Variants in HDAC4 observed in about 807,000 individuals in gnomAD.
The protein encoded by HDAC4 is histone deacetylase 4, also known as histone deacetylase A.
In HDAC4, 16 loss-of-function variants were observed where a neutral mutation model predicts 135.1. That is an observed-to-expected ratio of 0.12 (90% confidence interval 0.08 to 0.18). The LOEUF is 0.18. Among genes scored for constraint, HDAC4 ranks in the 10% least tolerant of loss-of-function variants. The pLI is 1.00. For missense variants in HDAC4, 1,143 were observed against 1,511.8 expected, an observed-to-expected ratio of 0.76 and a Z score of 4.05; for synonymous variants, 685 against 653.4, an observed-to-expected ratio of 1.05 and a Z score of -0.74.
At chr2:239,318,802 G>T (rs2053205767) in intron 2 of HDAC4, among the ~76,000 whole-genome samples, 1 of 152,092 alleles carries the variant, frequency 6.6e-6, no homozygotes, top group Non-Finnish European at 1.5e-5. Flanking sequence ...AAAAGTTAAG[G>T]AATAAAATTC....
At chr2:239,103,507 C>G (rs899835941) in intron 15 of HDAC4, among the ~76,000 whole-genome samples, 3 of 152,236 alleles carry the variant, frequency 2.0e-5, no homozygotes, top group Non-Finnish European at 4.4e-5. Context: ...ATTTATTTAG[C>G]CTTTTAAAGG....
rs757037771 is a variant in HDAC4, at chr2:239,309,932, G to T, written c.22+42746C>A. 6.6e-6 allele frequency among the ~76,000 whole-genome samples: 1 copy of T among 152,190 alleles called. No individual in the cohort carries two copies. The highest frequency in any genetic ancestry group is 2.4e-5 in the African/African-American group (1 of 41,450). On this transcript the variant is annotated intron_variant, in intron 2 of 26. Coordinates refer to ENST00000543185, the MANE Select transcript of HDAC4 (RefSeq NM_001378414.1). The surrounding 1 kb of genome is among the most constrained non-coding windows in gnomAD (Gnocchi z 4.2). Reference sequence around the variant, plus strand: ...CTGGTCCCATGGGGCATGAAGGGAGGGTGGCCAGGGTGGCCCGAGCCAGCA... The same window carrying T: ...CTGGTCCCATGGGGCATGAAGGGAGTGTGGCCAGGGTGGCCCGAGCCAGCA...
chr2:239,100,568 C>T (rs1043911140), intron 16 of HDAC4, among the ~76,000 whole-genome samples: 10 of 152,170 alleles, frequency 6.6e-5, no homozygotes, highest in South Asian at 2.1e-4. Context: ...CCTGTCCAGC[C>T]GTTCCTCGGG....
intron 1 of HDAC4, among the ~76,000 whole-genome samples, chr2:239,388,562 C>A (rs1178664985): frequency 6.6e-6 from 1 of 152,238 alleles, no homozygotes; most frequent in African/African-American, 2.4e-5. Context: ...TGCCTGGCCC[C>A]AGAGGGCAGC....
At chr2:239,281,009 T>TGCAAA (rs202231965) in intron 2 of HDAC4, among the ~76,000 whole-genome samples, 1 of 124,908 alleles carries the variant, frequency 8.0e-6, no homozygotes. Flanking sequence ...CACACCACTC[T>TGCAAA]CAATGTACAC....
rs145777162 is a variant in HDAC4, at chr2:239,103,626, T to A, written c.2113-730A>T. 3.5e-3 allele frequency among the ~76,000 whole-genome samples: 528 copies of A among 152,336 alleles called. 3 individuals are homozygous for A. Among genetic ancestry groups the A allele is most frequent in the Non-Finnish European group, 6.2e-3 (423 of 68,018 alleles). ...CAGACGCCACTCAGGTGGCCCCGGT[T>A]GTGGCTGTTACCTGCTTCCCCCAGG... On this transcript the variant is annotated intron_variant, in intron 15 of 26. Coordinates refer to ENST00000543185, the MANE Select transcript of HDAC4 (RefSeq NM_001378414.1).
At chr2:239,254,175 A>G (rs1379418538) in intron 2 of HDAC4, among the ~76,000 whole-genome samples, 2 of 152,216 alleles carry the variant, frequency 1.3e-5, no homozygotes, top group Non-Finnish European at 2.9e-5. Context: ...CCAGGAAGAC[A>G]AAGAAAAATA....
At chr2:239,294,899 G>C (rs368155508) in intron 2 of HDAC4, among the ~76,000 whole-genome samples, 2 of 152,210 alleles carry the variant, frequency 1.3e-5, no homozygotes, top group East Asian at 1.9e-4. Flanking sequence ...TCTGACTAAG[G>C]GGGTGGGTGT....
intron 2 of HDAC4, among the ~76,000 whole-genome samples, chr2:239,311,898 A>G (rs1022957811): frequency 3.3e-5 from 5 of 152,136 alleles, no homozygotes; most frequent in Non-Finnish European, 7.4e-5. Context: ...AGCTCTGAGC[A>G]ATCTCCTGTG....
At chr2:239,210,545 C>T (rs540214713) in intron 3 of HDAC4, among the ~76,000 whole-genome samples, 14 of 152,232 alleles carry the variant, frequency 9.2e-5, no homozygotes, top group South Asian at 8.3e-4. Context: ...CATTTATTAC[C>T]CGGCCTGTGA....
chr2:239,057,526 A>T (rs772232344), intron 24 of HDAC4, among the ~76,000 whole-genome samples: 42 of 152,338 alleles, frequency 2.8e-4, no homozygotes, highest in Non-Finnish European at 5.1e-4. Flanking sequence ...AGAAAACAGA[A>T]TCTTCAAAGA....
chr2:239,119,654 CT>C (rs1293926083), intron 12 of HDAC4, among the ~76,000 whole-genome samples: 3 of 151,962 alleles, frequency 2.0e-5, no homozygotes, highest in Non-Finnish European at 2.9e-5. Flanking sequence ...GGGACCAGAC[CT>C]AAGGGCTGAG....
rs1377205627 is a variant in HDAC4 at position 239,245,670 on chromosome 2, T to C, written c.23-9006A>G. On this transcript the variant is annotated intron_variant, in intron 2 of 26. Transcript: ENST00000543185. The surrounding 1 kb of genome is among the most constrained non-coding windows in gnomAD (Gnocchi z 4.4). ...GGGATTTCCTGGCGGGAGGTGGCTG[T>C]GGGCACTCGCTCTATGCACTGGTCT... is the stretch of plus-strand genomic sequence containing the variant. Among the ~76,000 whole-genome samples the C allele has an allele frequency of 1.3e-5, 2 of 152,302 alleles. No homozygotes were observed. Among genetic ancestry groups the C allele is most frequent in the South Asian group, 4.1e-4 (2 of 4,826 alleles).
In HDAC4 at chr2:239,303,028, T is replaced by A. The variant is rs1238285320; in HGVS notation, c.22+49650A>T. Among the ~76,000 whole-genome samples, 1 of 152,122 alleles carries A rather than the reference T, an allele frequency of 6.6e-6. No individual in the cohort carries two copies. Among genetic ancestry groups the A allele is most frequent in the Non-Finnish European group, 1.5e-5 (1 of 68,010 alleles). On this transcript the variant is annotated intron_variant, in intron 2 of 26. Coordinates refer to ENST00000543185, the MANE Select transcript of HDAC4 (RefSeq NM_001378414.1). This position sits in a 1 kb window ranked among gnomAD's most constrained non-coding sequence, Gnocchi z 5.1. ...TGGGCTGGGCGTCACCCCTGCCACC[T>A]CGGGAGTCCTCAAACCCCCCCCGGG...
intron 2 of HDAC4, among the ~76,000 whole-genome samples, chr2:239,344,356 T>C (rs933976032): frequency 6.6e-6 from 1 of 152,198 alleles, no homozygotes; most frequent in Non-Finnish European, 1.5e-5. Flanking sequence ...GAAATTTGCA[T>C]TTCTACAATA....
At position 239,298,092 on chromosome 2, in the gene HDAC4, A is replaced by G. The variant is rs1419783942; in HGVS notation, c.22+54586T>C. On this transcript the variant is annotated intron_variant, in intron 2 of 26. Transcript: ENST00000543185. ...GTCATGGGTCTTTAGGGTTGCTAAA[A>G]TATTTCACAGGATAAAAAAAATTAA... 6.6e-6 allele frequency: 5 copies of G among 761,398 alleles called. No individual in the cohort carries two copies. In the African/African-American group the frequency reaches 7.2e-5, roughly 11 times the overall value. 47.2% of individuals were successfully genotyped at this position (761,398 alleles called of 1,614,324 possible). A position where few individuals can be genotyped will look rare whatever the true frequency, so the allele number is the denominator to read the frequency against.
intron 3 of HDAC4, among the ~76,000 whole-genome samples, chr2:239,218,945 C>T (rs1324817890): frequency 6.7e-6 from 1 of 148,628 alleles, no homozygotes; most frequent in African/African-American, 2.5e-5. Flanking sequence ...GTTAGAATGG[C>T]AATCATTAAA....
At chr2:239,255,608 A>G (rs2049009501) in intron 2 of HDAC4, among the ~76,000 whole-genome samples, 1 of 152,218 alleles carries the variant, frequency 6.6e-6, no homozygotes, top group Non-Finnish European at 1.5e-5. Flanking sequence ...AACACTTGAC[A>G]CGCCAACATG....
intron 2 of HDAC4, among the ~76,000 whole-genome samples, chr2:239,325,741 G>C (rs1241423201): frequency 6.6e-6 from 1 of 151,994 alleles, no homozygotes; most frequent in Non-Finnish European, 1.5e-5. Context: ...GAGACGGGTG[G>C]ATCACCTGTG....
Sources: allele counts gnomAD v4.1 joint callset (sites outside exome capture counted in the v4.1 genomes callset), GRCh38; gene constraint gnomAD v4.1.1; non-coding constraint Gnocchi (gnomAD v3.1); transcripts MANE v1.5; gene names NCBI Gene and HGNC (gene_info 2026-07-23, HGNC 2026-07-21).